Variants in LSAMP observed in about 807,000 individuals in gnomAD.
LSAMP encodes limbic system-associated membrane protein.
In LSAMP, 7 loss-of-function variants were observed where a neutral mutation model predicts 38.6. The observed-to-expected ratio is 0.18, with a 90% CI of 0.10 to 0.34. The LOEUF (loss-of-function observed/expected upper bound fraction) is 0.34, where lower values mean the gene tolerates loss of function less well. Among genes scored for constraint, LSAMP ranks in the 10% least tolerant of loss-of-function variants. The pLI is 1.00. For missense variants in LSAMP, 313 were observed against 420.0 expected (o/e 0.75, Z 2.23); for synonymous variants, 154 against 166.8 (o/e 0.92, Z 0.59).
intron 6 of LSAMP, among the ~76,000 whole-genome samples, chr3:115,821,784 T>C (rs757659785): frequency 1.3e-5 from 2 of 152,128 alleles, no homozygotes; most frequent in Admixed American, 1.3e-4. Context: ...TATTAAGAAA[T>C]GTAATAAAAG....
chr3:116,164,682 T>TG (rs1709995436), intron 1 of LSAMP, among the ~76,000 whole-genome samples: 7 of 119,518 alleles, frequency 5.9e-5, no homozygotes, highest in South Asian at 2.6e-4. Flanking sequence ...TATATATATA[T>TG]AATCCAAATA....
intron 3 of LSAMP, among the ~76,000 whole-genome samples, chr3:115,994,187 T>G (rs1939751143): frequency 6.6e-6 from 1 of 152,196 alleles, no homozygotes; most frequent in Non-Finnish European, 1.5e-5. Context: ...TCTCCTGCTC[T>G]TATTGTTGGC....
At chr3:116,088,525 A>G (rs1576355332) in intron 1 of LSAMP, among the ~76,000 whole-genome samples, 2 of 152,300 alleles carry the variant, frequency 1.3e-5, no homozygotes, top group East Asian at 3.9e-4. Context: ...ATTAATTAAT[A>G]GGATGTTTGG....
chr3:115,866,761 C>T (rs1006928404), intron 3 of LSAMP, among the ~76,000 whole-genome samples: 3 of 152,052 alleles, frequency 2.0e-5, no homozygotes, highest in African/African-American at 7.2e-5. Context: ...GTAAAGTGAG[C>T]AGAATTGACA....
intron 1 of LSAMP, among the ~76,000 whole-genome samples, chr3:116,330,798 G>T (rs886491225): frequency 2.6e-5 from 4 of 151,994 alleles, no homozygotes; most frequent in Non-Finnish European, 5.9e-5. Flanking sequence ...CTAAGTATGG[G>T]AAAGATTTCC....
At chr3:116,196,501 G>A (rs1710885179) in intron 1 of LSAMP, among the ~76,000 whole-genome samples, 1 of 151,996 alleles carries the variant, frequency 6.6e-6, no homozygotes, top group South Asian at 2.1e-4. Flanking sequence ...ACTAGTAATA[G>A]TATTGATTTT....
intron 1 of LSAMP, among the ~76,000 whole-genome samples, chr3:116,127,922 T>C (rs1445793030): frequency 6.6e-6 from 1 of 152,138 alleles, no homozygotes; most frequent in Non-Finnish European, 1.5e-5. Context: ...GCATTTCTAG[T>C]AGAAGTTTTA....
At chr3:116,427,109 C>CTTTTTTTTT (rs758726064) in intron 1 of LSAMP, among the ~76,000 whole-genome samples, 11 of 95,396 alleles carry the variant, frequency 1.2e-4, no homozygotes, top group East Asian at 3.1e-4. Context: ...CTCTTTCTTT[C>CTTTTTTTTT]TTTTTTTTTT....
At chr3:116,312,507 C>T (rs926540758) in intron 1 of LSAMP, among the ~76,000 whole-genome samples, 2 of 152,174 alleles carry the variant, frequency 1.3e-5, no homozygotes, top group African/African-American at 4.8e-5. Flanking sequence ...ATTTACTCTC[C>T]CCATCTTCTT....
intron 1 of LSAMP, among the ~76,000 whole-genome samples, chr3:116,119,487 TAAGA>T (rs1293944969): frequency 6.6e-6 from 1 of 152,040 alleles, no homozygotes; most frequent in Non-Finnish European, 1.5e-5. Context: ...AAAATTATCA[TAAGA>T]AAGATAAAAT....
Position 116,444,801 on chromosome 3 carries a change from C to G in LSAMP, c.155+76G>C, listed in dbSNP as rs542372009. 543 of 1,517,874 alleles carry G rather than the reference C, an allele frequency of 3.6e-4. 2 individuals carry two copies. Among genetic ancestry groups the G allele is most frequent in the Middle Eastern group, 8.7e-4 (5 of 5,742 alleles). The allele number at this position is 1,517,874 out of a possible 1,614,324, so 94.0% of individuals were successfully genotyped here. On this transcript the variant is annotated intron_variant, in intron 1 of 6. Coordinates refer to ENST00000490035, the MANE Select transcript of LSAMP (RefSeq NM_002338.5). ...CAAGGAGATCAGACACACACACACA[C>G]ACACACACAAACACACACACACACA...
At chr3:116,268,695 T>TTTTG (rs1553719297) in intron 1 of LSAMP, among the ~76,000 whole-genome samples, 1 of 151,558 alleles carries the variant, frequency 6.6e-6, no homozygotes, top group African/African-American at 2.4e-5. Flanking sequence ...TTTTTTCTAT[T>TTTTG]TTTCTTTCTT....
At chr3:116,150,503 T>G (rs775264631) in intron 1 of LSAMP, among the ~76,000 whole-genome samples, 6 of 151,980 alleles carry the variant, frequency 3.9e-5, no homozygotes, top group African/African-American at 7.2e-5. Context: ...ATCATTCAAA[T>G]ATCAACTACA....
intron 1 of LSAMP, among the ~76,000 whole-genome samples, chr3:116,242,321 T>A (rs1404463182): frequency 6.6e-6 from 1 of 152,172 alleles, no homozygotes; most frequent in African/African-American, 2.4e-5. Context: ...AGAAACATTT[T>A]TAACAGCCAA....
At chr3:115,991,245 A>AT (rs1445922392) in intron 3 of LSAMP, among the ~76,000 whole-genome samples, 1 of 152,058 alleles carries the variant, frequency 6.6e-6, no homozygotes, top group Non-Finnish European at 1.5e-5. Flanking sequence ...CAAGATTATA[A>AT]CTCACAGTAT....
chr3:116,200,956 G>A (rs2045980200), intron 1 of LSAMP, among the ~76,000 whole-genome samples: 1 of 152,122 alleles, frequency 6.6e-6, no homozygotes, highest in Non-Finnish European at 1.5e-5. Flanking sequence ...TGCCTTAATT[G>A]CTTAAGCCCA....
chr3:115,830,318 G>GT, intron 6 of LSAMP, among the ~76,000 whole-genome samples: 1 of 152,296 alleles, frequency 6.6e-6, no homozygotes, highest in South Asian at 2.1e-4. Flanking sequence ...AAGTAACTGA[G>GT]TGTTATAAGC....
intron 3 of LSAMP, among the ~76,000 whole-genome samples, chr3:115,986,509 A>G (rs1939513220): frequency 6.6e-6 from 1 of 152,186 alleles, no homozygotes; most frequent in South Asian, 2.1e-4. Flanking sequence ...TTTAATTGAG[A>G]AATTGGCTGA....
At chr3:116,129,793 G>A (rs535871429) in intron 1 of LSAMP, among the ~76,000 whole-genome samples, 11 of 152,198 alleles carry the variant, frequency 7.2e-5, no homozygotes, top group African/African-American at 1.9e-4. Flanking sequence ...GGTTCTGCCC[G>A]AATGGCCTTG....
Sources: allele counts gnomAD v4.1 joint callset (sites outside exome capture counted in the v4.1 genomes callset), GRCh38; gene constraint gnomAD v4.1.1; transcripts MANE v1.5; gene names NCBI Gene and HGNC (gene_info 2026-07-23, HGNC 2026-07-21).